Variants in TMEM132C observed in about 807,000 individuals in gnomAD.
TMEM132C encodes the protein transmembrane protein 132C, also known as protein phosphatase 1, regulatory subunit 152.
TMEM132C carries 29 observed loss-of-function variants against 61.4 expected under a neutral mutation model. The observed-to-expected ratio is 0.47, with a 90% CI of 0.35 to 0.64. The LOEUF (loss-of-function observed/expected upper bound fraction) is 0.64. Ranked by LOEUF, TMEM132C falls within the 30% of genes least tolerant of loss-of-function variation. The pLI is 0.00. For synonymous variants in TMEM132C, 656 were observed against 633.1 expected (o/e 1.04, Z -0.54); for missense variants, 1,408 against 1,476.9 (o/e 0.95, Z 0.76).
Position 128,421,036 on chromosome 12 carries a change from T to C in TMEM132C, c.974+5416T>C, listed in dbSNP as rs1868970197. Among the ~76,000 whole-genome samples, 3 of 152,046 alleles carry C rather than the reference T, an allele frequency of 2.0e-5. No individual in the cohort carries two copies. The South Asian group carries it at 6.2e-4, about 32-fold the overall frequency. On this transcript the variant is annotated intron_variant, in intron 2 of 8. Transcript: ENST00000435159. ...GCAGTAGCTTTAGAGGTACAAGTGG[T>C]TTTTGGTTATAGGGATGAAGTACAC...
At chr12:128,384,008 TA>T (rs1874498637) in intron 1 of TMEM132C, among the ~76,000 whole-genome samples, 1 of 152,072 alleles carries the variant, frequency 6.6e-6, no homozygotes, top group Non-Finnish European at 1.5e-5. Flanking sequence ...CTGCAGAGTT[TA>T]AAAACAAAAC....
intron 4 of TMEM132C, among the ~76,000 whole-genome samples, chr12:128,666,060 CT>C (rs1954467819): frequency 7.9e-6 from 1 of 127,120 alleles, no homozygotes; most frequent in Non-Finnish European, 1.6e-5. Context: ...AACACAGGCA[CT>C]CATACACAAA....
At chr12:128,689,317 G>T (rs1230413270) in intron 5 of TMEM132C, among the ~76,000 whole-genome samples, 1 of 152,032 alleles carries the variant, frequency 6.6e-6, no homozygotes, top group Non-Finnish European at 1.5e-5. Flanking sequence ...TTTTCTCTCA[G>T]CAATTTTGAA....
chr12:128,496,320 C>T (rs553809728), intron 2 of TMEM132C, among the ~76,000 whole-genome samples: 134 of 152,190 alleles, frequency 8.8e-4, no homozygotes, highest in African/African-American at 3.2e-3. Flanking sequence ...CTTGGAGTTG[C>T]TCTTCTCCAG....
intron 3 of TMEM132C, among the ~76,000 whole-genome samples, chr12:128,588,409 G>A (rs1170303644): frequency 1.3e-5 from 2 of 152,152 alleles, no homozygotes; most frequent in South Asian, 2.1e-4. Flanking sequence ...TCCAGCCTGG[G>A]TGACAGCAAG....
chr12:128,520,095 G>A (rs373377939), intron 2 of TMEM132C, among the ~76,000 whole-genome samples: 6 of 152,160 alleles, frequency 3.9e-5, no homozygotes, highest in South Asian at 2.1e-4. Flanking sequence ...CTCTGCCCTC[G>A]CCAACTTTAA....
At chr12:128,633,907 G>A (rs1158890100) in intron 4 of TMEM132C, among the ~76,000 whole-genome samples, 1 of 152,178 alleles carries the variant, frequency 6.6e-6, no homozygotes, top group Non-Finnish European at 1.5e-5. Flanking sequence ...AGAGCCAAGG[G>A]CAGATGTCAA....
At chr12:128,389,206 A>G (rs866210120) in intron 1 of TMEM132C, among the ~76,000 whole-genome samples, 1 of 152,204 alleles carries the variant, frequency 6.6e-6, no homozygotes, top group Non-Finnish European at 1.5e-5. Flanking sequence ...CCAGATACTG[A>G]TCTGGGCACT....
chr12:128,267,377 G>T lies in TMEM132C; in HGVS notation c.-26G>T. ...GGCGCTGCGCTTCGGGCTGGCGGCG[G>T]GCTGCGTGAGCGGCCGGGACGCAGG... is the stretch of plus-strand genomic sequence containing the variant. On this transcript the variant is annotated 5_prime_UTR_variant, in exon 1 of 9. Coordinates refer to ENST00000435159, the MANE Select transcript of TMEM132C (RefSeq NM_001136103.3). 2.7e-6 allele frequency: 3 copies of T among 1,092,964 alleles called. No homozygotes were observed. Among genetic ancestry groups the T allele is most frequent in the Non-Finnish European group, 3.3e-6 (3 of 900,238 alleles). 67.7% of individuals were successfully genotyped at this position (1,092,964 alleles called of 1,614,324 possible). A position where few individuals can be genotyped will look rare whatever the true frequency, so the allele number is the denominator to read the frequency against.
chr12:128,639,457 A>G lies in TMEM132C; in HGVS notation c.1305+23122A>G, dbSNP rs551649792. ...AATGATGGTGATGATAATCATGGTC[A>G]TGGTCATGGTAATAGTGGTGACATC... is the stretch of plus-strand genomic sequence containing the variant. On this transcript the variant is annotated intron_variant, in intron 4 of 8. Coordinates refer to ENST00000435159, the MANE Select transcript of TMEM132C (RefSeq NM_001136103.3). Among the ~76,000 whole-genome samples the G allele has an allele frequency of 1.1e-3, 164 of 152,254 alleles. 1 individual carries two copies. Among genetic ancestry groups the G allele is most frequent in the African/African-American group, 3.7e-3 (153 of 41,536 alleles).
intron 1 of TMEM132C, among the ~76,000 whole-genome samples, chr12:128,297,218 A>G (rs1482635858): frequency 1.3e-5 from 2 of 152,180 alleles, no homozygotes; most frequent in African/African-American, 2.4e-5. Context: ...ACTGCAGTGA[A>G]GGGGATAATA....
chr12:128,362,024 C>T (rs1873721534), intron 1 of TMEM132C, among the ~76,000 whole-genome samples: 1 of 151,966 alleles, frequency 6.6e-6, no homozygotes, highest in African/African-American at 2.4e-5. Flanking sequence ...GAGTTCAGGA[C>T]ACCCTGGATT....
chr12:128,482,121 C>T (rs138491872), intron 2 of TMEM132C, among the ~76,000 whole-genome samples: 1,603 of 152,200 alleles, frequency 0.011, 20 homozygotes, highest in African/African-American at 0.037. Context: ...TGAATTTTAT[C>T]GAAGGCCTTT....
At chr12:128,540,851 G>A (rs1173801686) in intron 2 of TMEM132C, among the ~76,000 whole-genome samples, 1 of 152,006 alleles carries the variant, frequency 6.6e-6, no homozygotes, top group African/African-American at 2.4e-5. Context: ...CAGGGCCCGC[G>A]GGTCGAGGGC....
intron 2 of TMEM132C, among the ~76,000 whole-genome samples, chr12:128,479,273 C>G (rs1871248965): frequency 6.6e-6 from 1 of 152,090 alleles, no homozygotes; most frequent in Non-Finnish European, 1.5e-5. Flanking sequence ...GGCTCGATAC[C>G]TGGGTGATGA....
At chr12:128,546,381 T>C (rs1446201036) in intron 3 of TMEM132C, among the ~76,000 whole-genome samples, 2 of 152,198 alleles carry the variant, frequency 1.3e-5, no homozygotes, top group African/African-American at 4.8e-5. Context: ...AAGTTATGTA[T>C]GTGAATAGTT....
intron 2 of TMEM132C, among the ~76,000 whole-genome samples, chr12:128,466,353 G>T (rs925843394): frequency 6.6e-6 from 1 of 152,210 alleles, no homozygotes; most frequent in African/African-American, 2.4e-5. Flanking sequence ...AGCATGCTTT[G>T]TTTGGCTTAT....
At position 128,325,174 on chromosome 12, in the gene TMEM132C, T is replaced by C. The variant is rs567884592; in HGVS notation, c.85+57687T>C. Among the ~76,000 whole-genome samples the C allele has an allele frequency of 6.5e-4, 99 of 152,316 alleles. 2 individuals carry two copies. The highest frequency in any genetic ancestry group is 2.3e-3 in the African/African-American group (95 of 41,562). On this transcript the variant is annotated intron_variant, in intron 1 of 8. Transcript: ENST00000435159. The stretch of plus-strand genomic sequence containing the variant: ...CTGCTTTAGTGCATGTTCTTATTTA[T>C]TGTCACAGTAAGTGCTAGTGCTGCT...
chr12:128,435,278 C>G (rs1387151060), intron 2 of TMEM132C, among the ~76,000 whole-genome samples: 1 of 152,152 alleles, frequency 6.6e-6, no homozygotes, highest in African/African-American at 2.4e-5. Flanking sequence ...ACTAGTGCAC[C>G]AGGTGCTGCT....
Sources: gnomAD v4.1 joint callset for allele counts (sites outside exome capture counted in the v4.1 genomes callset) on GRCh38, gnomAD v4.1.1 for gene constraint, MANE v1.5 for transcripts, NCBI Gene and HGNC (gene_info 2026-07-23, HGNC 2026-07-21) for gene names.